Variants in FCHO1 observed in about 807,000 individuals in gnomAD.
FCHO1 encodes FCH and mu domain containing endocytic adaptor 1.
A neutral mutation model predicts 114.4 loss-of-function variants in FCHO1; 45 were observed. The observed-to-expected ratio is 0.39, with a 90% CI of 0.31 to 0.50. The LOEUF (loss-of-function observed/expected upper bound fraction) is 0.50. FCHO1 is among the 20% of genes least tolerant of loss of function. The pLI is 0.77. For missense variants in FCHO1, 1,042 were observed against 1,209.6 expected, an observed-to-expected ratio of 0.86 and a Z score of 2.06; for synonymous variants, 480 against 488.9, an observed-to-expected ratio of 0.98 and a Z score of 0.24.
chr19:17,785,703 G>A (rs1457905893), intron 26 of FCHO1, among the ~76,000 whole-genome samples: 1 of 149,630 alleles, frequency 6.7e-6, no homozygotes, highest in African/African-American at 2.5e-5. Context: ...GCATGGTGGC[G>A]GGTGCCTGTA....
intron 19 of FCHO1, 126 bp from the exon 20 acceptor site, chr19:17,778,483 C>T (rs2092936489): frequency 3.7e-6 from 4 of 1,070,874 alleles, no homozygotes; most frequent in East Asian, 2.6e-5. Flanking sequence ...GCCTTGGGGG[C>T]GTGCACAAGG....
intron 20 of FCHO1, among the ~76,000 whole-genome samples, chr19:17,779,330 C>T (rs1204068004): frequency 6.6e-6 from 1 of 151,788 alleles, no homozygotes; most frequent in African/African-American, 2.4e-5. Context: ...GTGAATGTTA[C>T]CCTGAGTAAC....
chr19:17,781,616 T>C lies in FCHO1; in HGVS notation c.1828+77T>C, dbSNP rs908555026. The stretch of plus-strand genomic sequence containing the variant: ...TGGTCTGGGTGGGTGGCTTCTCTGT[T>C]GGCAGAGGTGTGGTTGGGCGGAGGG... On this transcript the variant is annotated intron_variant, in intron 22 of 28. Coordinates refer to ENST00000596536, the MANE Select transcript of FCHO1 (RefSeq NM_015122.3). 3.2e-6 allele frequency: 5 copies of C among 1,569,376 alleles called. No individual in the cohort carries two copies. The African/African-American group carries it at 5.4e-5, about 17-fold the overall frequency.
chr19:17,779,876 G>A (rs2093187118), intron 20 of FCHO1, among the ~76,000 whole-genome samples: 2 of 151,894 alleles, frequency 1.3e-5, no homozygotes, highest in Admixed American at 1.3e-4. Flanking sequence ...AACAGGAGGA[G>A]CAGCCGCCCA....
At chr19:17,769,441 G>A (rs568917719) in intron 7 of FCHO1, among the ~76,000 whole-genome samples, 11 of 151,578 alleles carry the variant, frequency 7.3e-5, no homozygotes, top group East Asian at 2.0e-4. Flanking sequence ...TTAGCCGGGC[G>A]TGGTGGCGGC....
chr19:17,783,328 G>A (rs1474086547), intron 24 of FCHO1, among the ~76,000 whole-genome samples, 156 bp downstream of exon 24: 2 of 151,094 alleles, frequency 1.3e-5, no homozygotes, highest in East Asian at 1.9e-4. Context: ...GTGCAATGGC[G>A]TCATCTCGGC....
chr19:17,767,401 A>AAAAAAC (rs1166266784), intron 7 of FCHO1, among the ~76,000 whole-genome samples: 2 of 151,014 alleles, frequency 1.3e-5, no homozygotes, highest in African/African-American at 2.4e-5. Context: ...TTACCAAAAA[A>AAAAAAC]AAAAAAACAC....
rs867824958 is a variant in FCHO1 at position 17,778,644 on chromosome 19, C to A, written c.1387C>A (p.Pro463Thr). ...SSLGFTSSPS[P>T]FSSSSPENVE... Reference sequence around the variant, plus strand: ...CCTGGGCTTCACCTCCAGCCCCTCCCCTTTCTCCTCCTCGTCGCCCGAAAA... The same window carrying A: ...CCTGGGCTTCACCTCCAGCCCCTCCACTTTCTCCTCCTCGTCGCCCGAAAA... Residue 463 changes from proline (P) to threonine (T), a missense_variant, in exon 20 of 29, where the codon CCT becomes ACT. Around this residue, in one of 3 missense-constraint regions of FCHO1, gnomAD observed 455 missense variants for 455.4 expected, o/e 1.00. Transcript: ENST00000596536. 1 of 1,577,426 alleles carries A rather than the reference C, an allele frequency of 6.3e-7. No homozygotes were observed. Among genetic ancestry groups the A allele is most frequent in the East Asian group, 2.3e-5 (1 of 42,642 alleles).
chr19:17,750,940 C>T (rs1236089966), upstream of FCHO1, among the ~76,000 whole-genome samples: 2 of 151,106 alleles, frequency 1.3e-5, no homozygotes, highest in Non-Finnish European at 2.9e-5. Flanking sequence ...CTCCCGGGTT[C>T]AAGTGATTCT....
At chr19:17,753,009 G>C (rs987304693) in intron 1 of FCHO1, among the ~76,000 whole-genome samples, 2 of 152,294 alleles carry the variant, frequency 1.3e-5, no homozygotes, top group South Asian at 2.1e-4. Context: ...TTGAGCCTGG[G>C]AGGTGGAGGC....
At chr19:17,769,042 G>A (rs1263024016) in intron 7 of FCHO1, among the ~76,000 whole-genome samples, 1 of 151,884 alleles carries the variant, frequency 6.6e-6, no homozygotes, top group Non-Finnish European at 1.5e-5. Flanking sequence ...TTGGGAGGCT[G>A]AGGCGGGCAG....
intron 19 of FCHO1, 85 bp downstream of exon 19, chr19:17,778,313 C>T: frequency 8.5e-7 from 1 of 1,171,638 alleles, no homozygotes; most frequent in South Asian, 1.2e-5. Flanking sequence ...CAATGAGGTC[C>T]CCTGGAAGCC....
intron 11 of FCHO1, among the ~76,000 whole-genome samples, chr19:17,773,056 A>G (rs1456393982): frequency 3.3e-5 from 5 of 152,248 alleles, no homozygotes; most frequent in African/African-American, 9.6e-5. Flanking sequence ...CAGATCCCAG[A>G]GGAGCCTTGA....
At chr19:17,779,520 T>G (rs1385636144) in intron 20 of FCHO1, among the ~76,000 whole-genome samples, 11 of 142,360 alleles carry the variant, frequency 7.7e-5, no homozygotes, top group Admixed American at 2.1e-4. Context: ...CAGGGGAGAG[T>G]TCGGAGGAGT....
chr19:17,767,652 A>G (rs1008201653), intron 7 of FCHO1, among the ~76,000 whole-genome samples: 4 of 152,176 alleles, frequency 2.6e-5, no homozygotes, highest in African/African-American at 9.7e-5. Context: ...CTAAAGAAAA[A>G]TAAAATTTCA....
chr19:17,787,066 A>T (rs2093963364), intron 27 of FCHO1, among the ~76,000 whole-genome samples: 2 of 151,412 alleles, frequency 1.3e-5, no homozygotes, highest in African/African-American at 4.9e-5. Flanking sequence ...TCTACTAAAA[A>T]TATAAAAATT....
intron 9 of FCHO1, among the ~76,000 whole-genome samples, chr19:17,771,663 T>G (rs112461625): frequency 6.6e-6 from 1 of 151,608 alleles, no homozygotes; most frequent in Admixed American, 6.6e-5. Flanking sequence ...AGCGAGACTC[T>G]GTCTCAAAAA....
At chr19:17,748,408 G>A (rs2081091716), upstream of FCHO1, among the ~76,000 whole-genome samples, 1 of 151,794 alleles carries the variant, frequency 6.6e-6, no homozygotes, top group Non-Finnish European at 1.5e-5. Context: ...TCTTCTGTGG[G>A]GACCCCAAGG....
intron 28 of FCHO1, 30 bp from the exon 29 acceptor site, chr19:17,788,253 AC>A: frequency 5.8e-6 from 2 of 346,782 alleles, no homozygotes; most frequent in Non-Finnish European, 1.1e-5. Flanking sequence ...CCTCCTCCCC[AC>A]CCCTCCCCCT....
Sources: allele counts gnomAD v4.1 joint callset (sites outside exome capture counted in the v4.1 genomes callset), GRCh38; gene constraint gnomAD v4.1.1; regional missense constraint gnomAD v4.1.1; transcripts MANE v1.5; gene names NCBI Gene and HGNC (gene_info 2026-07-23, HGNC 2026-07-21).